ASTN1: variants seen among roughly 807,000 people sequenced by gnomAD.
ASTN1 encodes astrotactin 1, also known as astrotactin-1.
A neutral mutation model predicts 140.7 loss-of-function variants in ASTN1; 41 were observed. That is an observed-to-expected ratio of 0.29 (90% CI 0.23 to 0.38). The LOEUF is 0.38. ASTN1 is among the 10% of genes least tolerant of loss of function. ASTN1 has a pLI of 1.00. For synonymous variants in ASTN1, 640 were observed against 652.2 expected (o/e 0.98, Z 0.29); for missense variants, 1,479 against 1,678.8 (o/e 0.88, Z 2.08).
At chr1:176,912,387 A>G (rs1400965370) in intron 16 of ASTN1, among the ~76,000 whole-genome samples, 2 of 152,188 alleles carry the variant, frequency 1.3e-5, no homozygotes, top group African/African-American at 2.4e-5. Flanking sequence ...TATGATGTTC[A>G]TGGCACATAA....
At chr1:177,095,173 G>A (rs553503476) in intron 1 of ASTN1, among the ~76,000 whole-genome samples, 1 of 152,274 alleles carries the variant, frequency 6.6e-6, no homozygotes, top group African/African-American at 2.4e-5. Flanking sequence ...TATAAGAAGT[G>A]AGAACTGACT....
intron 22 of ASTN1, 59 bp downstream of exon 22, chr1:176,868,785 C>A: frequency 6.6e-7 from 1 of 1,506,586 alleles, no homozygotes; most frequent in Non-Finnish European, 9.0e-7. Context: ...AGTATTACGG[C>A]ACAAGAGGTA....
intron 16 of ASTN1, among the ~76,000 whole-genome samples, chr1:176,918,696 G>A (rs1301474031): frequency 6.6e-6 from 1 of 151,960 alleles, no homozygotes; most frequent in East Asian, 1.9e-4. Flanking sequence ...AATAAATGGT[G>A]TCCCTGTGTC....
intron 8 of ASTN1, among the ~76,000 whole-genome samples, chr1:177,012,506 G>C (rs1021612127): frequency 3.3e-5 from 5 of 152,090 alleles, no homozygotes; most frequent in African/African-American, 1.2e-4. Flanking sequence ...ATAGAATAAT[G>C]GAAATTAAAG....
intron 8 of ASTN1, among the ~76,000 whole-genome samples, chr1:176,988,890 A>G (rs893049878): frequency 2.6e-5 from 4 of 152,234 alleles, no homozygotes; most frequent in South Asian, 4.1e-4. Context: ...CCTCCTGTCT[A>G]TTCAGATGAG....
At chr1:176,879,265 T>A (rs936967709) in intron 20 of ASTN1, among the ~76,000 whole-genome samples, 1 of 152,262 alleles carries the variant, frequency 6.6e-6, no homozygotes, top group African/African-American at 2.4e-5. Context: ...CAGTGCCCCA[T>A]CCCCTGTCAT....
At chr1:176,967,690 T>C (rs147993267) in intron 8 of ASTN1, among the ~76,000 whole-genome samples, 19 of 152,308 alleles carry the variant, frequency 1.2e-4, no homozygotes, top group Admixed American at 6.5e-4. Flanking sequence ...AATAAATCTG[T>C]ATTCAAGCCA....
chr1:177,046,597 A>G (rs1386328462), intron 2 of ASTN1, among the ~76,000 whole-genome samples: 2 of 152,178 alleles, frequency 1.3e-5, no homozygotes, highest in South Asian at 4.2e-4. Flanking sequence ...GTGACACTCA[A>G]AACTAAAGTT....
At chr1:176,939,941 T>A (rs574122739) in intron 14 of ASTN1, among the ~76,000 whole-genome samples, 1 of 152,226 alleles carries the variant, frequency 6.6e-6, no homozygotes, top group East Asian at 1.9e-4. Flanking sequence ...TTTTTCTTGT[T>A]ATTTTATCTG....
Position 176,863,906 on chromosome 1 carries a change from G to C in ASTN1, c.*378C>G. ...CTGCTCCCAGTTGCAATGGATTTAG[G>C]AACTGAGTGAGCACAGGGTGCCTAC... On this transcript the variant is annotated 3_prime_UTR_variant, in exon 23 of 23. Coordinates refer to ENST00000361833, the MANE Select transcript of ASTN1 (RefSeq NM_004319.3). The C allele has an allele frequency of 9.7e-7, 1 of 1,032,060 alleles. No individual in the cohort carries two copies. The highest frequency in any genetic ancestry group is 1.2e-6 in the Non-Finnish European group (1 of 857,524). 63.9% of individuals were successfully genotyped at this position (1,032,060 alleles called of 1,614,324 possible).
intron 8 of ASTN1, among the ~76,000 whole-genome samples, chr1:177,001,259 T>G (rs1187704133): frequency 6.6e-6 from 1 of 152,224 alleles, no homozygotes; most frequent in African/African-American, 2.4e-5. Context: ...TCTGCCTTCA[T>G]GGAATTTACA....
intron 16 of ASTN1, among the ~76,000 whole-genome samples, chr1:176,907,880 A>C (rs755767375): frequency 1.3e-5 from 2 of 152,206 alleles, no homozygotes; most frequent in Non-Finnish European, 2.9e-5. Flanking sequence ...CATTATGTCC[A>C]AAAGAAGGTG....
intron 2 of ASTN1, among the ~76,000 whole-genome samples, chr1:177,038,487 A>G (rs1001463086): frequency 2.6e-5 from 4 of 152,148 alleles, no homozygotes; most frequent in Admixed American, 6.5e-5. Flanking sequence ...GGAGGAAGGA[A>G]AGAAGGAAGG....
intron 22 of ASTN1, among the ~76,000 whole-genome samples, chr1:176,865,795 TC>T (rs2103009232): frequency 6.6e-6 from 1 of 152,322 alleles, no homozygotes; most frequent in Admixed American, 6.5e-5. Context: ...GACTTACAGT[TC>T]CACATGGCTG....
chr1:176,917,277 G>A (rs774501475), intron 16 of ASTN1, among the ~76,000 whole-genome samples: 2 of 152,116 alleles, frequency 1.3e-5, no homozygotes, highest in Non-Finnish European at 2.9e-5. Flanking sequence ...CTTTCCATAG[G>A]GCCTGGCACT....
chr1:176,930,549 T>C (rs942779238), intron 16 of ASTN1, among the ~76,000 whole-genome samples: 1 of 152,080 alleles, frequency 6.6e-6, no homozygotes, highest in Non-Finnish European at 1.5e-5. Flanking sequence ...AGGCTAAAGA[T>C]TTATGAAAAG....
Position 177,130,535 on chromosome 1 carries a change from C to G in ASTN1, c.283+33859G>C, listed in dbSNP as rs900601444. 3.9e-5 allele frequency among the ~76,000 whole-genome samples: 6 copies of G among 152,280 alleles called. 1 individual carries two copies. Among genetic ancestry groups the G allele is most frequent in the Admixed American group, 3.9e-4 (6 of 15,294 alleles). The stretch of plus-strand genomic sequence containing the variant: ...GAAAAATACCGTGCTTCACCTCCCC[C>G]ACTTAAAAGTGTCACATTGCAGGTC... On this transcript the variant is annotated intron_variant, in intron 1 of 22. Coordinates refer to ENST00000361833, the MANE Select transcript of ASTN1 (RefSeq NM_004319.3).
chr1:177,051,092 G>A (rs527528562), intron 2 of ASTN1, among the ~76,000 whole-genome samples: 1 of 152,356 alleles, frequency 6.6e-6, no homozygotes, highest in South Asian at 2.1e-4. Flanking sequence ...TAATGTGCTT[G>A]CATTTCACCT....
Position 176,949,223 on chromosome 1 carries a change from C to A in ASTN1, c.2016G>T (p.Pro672=). 1 of 1,614,026 alleles carries A rather than the reference C, an allele frequency of 6.2e-7. No individual in the cohort carries two copies. ...QLCLQQMAPF[P]DDPTLYNILM... ...GGATGTTATACAAGGTGGGGTCGTC[C>A]GGGAAGGGCGCCATCTGCTGGAGGC... is the stretch of plus-strand genomic sequence containing the variant. Residue 672 remains proline (P), a synonymous_variant, in exon 12 of 23, where the codon CCG becomes CCT. Coordinates refer to ENST00000361833, the MANE Select transcript of ASTN1 (RefSeq NM_004319.3).
Sources: gnomAD v4.1 joint callset for allele counts (sites outside exome capture counted in the v4.1 genomes callset) on GRCh38, gnomAD v4.1.1 for gene constraint, MANE v1.5 for transcripts, NCBI Gene and HGNC (gene_info 2026-07-23, HGNC 2026-07-21) for gene names.